Variants in ZNF385B observed in about 807,000 individuals in gnomAD.
The protein encoded by ZNF385B is zinc finger protein 385B.
A neutral mutation model predicts 39.2 loss-of-function variants in ZNF385B; 23 were observed. The ratio of observed to expected loss-of-function variants is 0.59; its 90% confidence interval spans 0.42 to 0.83. The LOEUF (loss-of-function observed/expected upper bound fraction) is 0.83. ZNF385B is among the 40% of genes least tolerant of loss of function. The probability of loss-of-function intolerance (pLI) is 0.00; values close to 1 mark genes in which losing one functional copy is unlikely to be tolerated. For synonymous variants in ZNF385B, 205 were observed against 222.6 expected, an observed-to-expected ratio of 0.92 and a Z score of 0.70; for missense variants, 552 against 598.9, an observed-to-expected ratio of 0.92 and a Z score of 0.82.
At chr2:179,670,684 C>T (rs767677253) in intron 3 of ZNF385B, among the ~76,000 whole-genome samples, 15 of 152,148 alleles carry the variant, frequency 9.9e-5, no homozygotes, top group African/African-American at 3.4e-4. Context: ...CGTTTAATCA[C>T]GGAGTTTTCT....
chr2:179,535,562 T>A (rs1559425960), intron 4 of ZNF385B, among the ~76,000 whole-genome samples: 1 of 152,230 alleles, frequency 6.6e-6, no homozygotes, highest in Non-Finnish European at 1.5e-5. Flanking sequence ...ATGACACATG[T>A]AATCTATTTC....
At chr2:179,658,219 A>T (rs2106267826) in intron 3 of ZNF385B, among the ~76,000 whole-genome samples, 1 of 152,324 alleles carries the variant, frequency 6.6e-6, no homozygotes, top group South Asian at 2.1e-4. Flanking sequence ...AAAATGGTGA[A>T]CACTTCACAC....
intron 6 of ZNF385B, among the ~76,000 whole-genome samples, chr2:179,454,322 C>T (rs1033257502): frequency 2.0e-5 from 3 of 152,168 alleles, no homozygotes; most frequent in African/African-American, 7.2e-5. Flanking sequence ...CAACACATTA[C>T]TCATGTGCTT....
intron 4 of ZNF385B, among the ~76,000 whole-genome samples, chr2:179,535,595 T>C (rs578128377): frequency 6.6e-6 from 1 of 152,330 alleles, no homozygotes; most frequent in Non-Finnish European, 1.5e-5. Context: ...ATTAAAAGAA[T>C]CAATGTAAAA....
At chr2:179,533,263 T>A (rs539429385) in intron 4 of ZNF385B, among the ~76,000 whole-genome samples, 16 of 152,268 alleles carry the variant, frequency 1.1e-4, no homozygotes, top group African/African-American at 3.9e-4. Context: ...CTAGTTCTTT[T>A]CTGAGGGAAC....
At chr2:179,471,040 TA>T (rs2052714241) in intron 6 of ZNF385B, among the ~76,000 whole-genome samples, 1 of 152,056 alleles carries the variant, frequency 6.6e-6, no homozygotes, top group Non-Finnish European at 1.5e-5. Flanking sequence ...CTTGAGCAGT[TA>T]AAAGCCTTAA....
chr2:179,588,735 C>A (rs1687309321), intron 3 of ZNF385B, among the ~76,000 whole-genome samples: 1 of 152,156 alleles, frequency 6.6e-6, no homozygotes, highest in South Asian at 2.1e-4. Context: ...AGATTCTTTT[C>A]TTTTCCATCT....
chr2:179,511,104 T>C (rs1574524651), intron 5 of ZNF385B, among the ~76,000 whole-genome samples: 1 of 152,192 alleles, frequency 6.6e-6, no homozygotes, highest in African/African-American at 2.4e-5. Context: ...GGAAAAAACA[T>C]AGCTGCTGCA....
intron 3 of ZNF385B, among the ~76,000 whole-genome samples, chr2:179,579,297 T>A (rs1413732912): frequency 2.0e-5 from 3 of 152,126 alleles, no homozygotes; most frequent in Non-Finnish European, 4.4e-5. Context: ...ATTATTAGCA[T>A]ATACTGAGTG....
intron 3 of ZNF385B, among the ~76,000 whole-genome samples, chr2:179,675,619 G>A (rs1461775942): frequency 6.6e-6 from 1 of 152,116 alleles, no homozygotes; most frequent in Non-Finnish European, 1.5e-5. Context: ...GAGGAAACAG[G>A]TGGAGTAAGG....
At chr2:179,750,482 C>T (rs1702607887) in intron 3 of ZNF385B, among the ~76,000 whole-genome samples, 2 of 152,082 alleles carry the variant, frequency 1.3e-5, no homozygotes, top group African/African-American at 4.8e-5. Context: ...TGTATCATCA[C>T]CAGGTCTGAA....
intron 3 of ZNF385B, among the ~76,000 whole-genome samples, chr2:179,547,182 G>A (rs2060288820): frequency 6.7e-6 from 1 of 149,402 alleles, no homozygotes; most frequent in Non-Finnish European, 1.5e-5. Flanking sequence ...TCTTCACTTT[G>A]TTGACTGTTT....
chr2:179,800,866 A>G (rs968214972), intron 1 of ZNF385B, among the ~76,000 whole-genome samples: 2 of 152,110 alleles, frequency 1.3e-5, no homozygotes, highest in Non-Finnish European at 2.9e-5. Flanking sequence ...TTCAGCTTAT[A>G]TCTCTTAAAA....
intron 3 of ZNF385B, among the ~76,000 whole-genome samples, chr2:179,650,571 G>A (rs80249501): frequency 0.052 from 7,904 of 152,278 alleles, 235 homozygotes; most frequent in Middle Eastern, 0.078. Flanking sequence ...TGCAAAGGCT[G>A]TAGGGTTTTA....
At chr2:179,814,656 C>T (rs1706949904) in intron 1 of ZNF385B, 1 of 410,038 alleles carries the variant, frequency 2.4e-6, no homozygotes, top group Non-Finnish European at 4.7e-6. Flanking sequence ...AAAAACTACT[C>T]CACCAAGTCC....
At chr2:179,567,036 C>T (rs576126678) in intron 3 of ZNF385B, among the ~76,000 whole-genome samples, 3 of 151,818 alleles carry the variant, frequency 2.0e-5, no homozygotes, top group African/African-American at 7.3e-5. Context: ...CTGCTTCCGC[C>T]TCCCGAGTAG....
intron 1 of ZNF385B, among the ~76,000 whole-genome samples, chr2:179,835,623 C>T (rs562967359): frequency 6.6e-6 from 1 of 152,186 alleles, no homozygotes; most frequent in African/African-American, 2.4e-5. Flanking sequence ...TCAATTCCTA[C>T]CTCTTCTCAC....
chr2:179,643,488 A>G lies in ZNF385B; in HGVS notation c.299-98519T>C, dbSNP rs1160390166. Among the ~76,000 whole-genome samples, 4 of 152,306 alleles carry G rather than the reference A, an allele frequency of 2.6e-5. No homozygotes were observed. The East Asian group carries it at 7.7e-4, about 29-fold the overall frequency. The stretch of plus-strand genomic sequence containing the variant: ...AGGTTTCCAAAAGGACCACTCATCT[A>G]GTTCCACTGTGTTATCAAATGGAAT... On this transcript the variant is annotated intron_variant, in intron 3 of 9. Transcript: ENST00000410066.
intron 1 of ZNF385B, chr2:179,802,403 T>G (rs1466558419): frequency 6.6e-6 from 1 of 152,104 alleles, no homozygotes; most frequent in Non-Finnish European, 1.5e-5. Flanking sequence ...CCTCTCAAAT[T>G]CACATTCTGC....
Sources: allele counts gnomAD v4.1 joint callset (sites outside exome capture counted in the v4.1 genomes callset), GRCh38; gene constraint gnomAD v4.1.1; transcripts MANE v1.5; gene names NCBI Gene and HGNC (gene_info 2026-07-23, HGNC 2026-07-21).